The following LPAR3 variants were observed in gnomAD, a reference collection of about 807,000 sequenced individuals.
LPAR3 encodes the protein LPA receptor 3.
Under a neutral mutation model 17.8 loss-of-function variants are expected in LPAR3, and 7 were observed. The ratio of observed to expected loss-of-function variants is 0.39; its 90% CI spans 0.22 to 0.74. The LOEUF (loss-of-function observed/expected upper bound fraction) is 0.74, where lower values mean the gene tolerates loss of function less well. Ranked by LOEUF, LPAR3 falls within the 30% of genes least tolerant of loss-of-function variation. LPAR3 has a pLI of 0.40. For synonymous variants in LPAR3, 179 were observed against 179.9 expected (o/e 0.99, Z 0.04); for missense variants, 391 against 453.4 (o/e 0.86, Z 1.25).
chr1:84,857,842 T>C (rs2102761892), intron 2 of LPAR3, among the ~76,000 whole-genome samples: 1 of 152,318 alleles, frequency 6.6e-6, no homozygotes, highest in East Asian at 1.9e-4. Context: ...AGTTTCCTCA[T>C]CTGGTAATAA....
intron 1 of LPAR3, among the ~76,000 whole-genome samples, chr1:84,891,494 T>C (rs1046309087): frequency 9.9e-5 from 15 of 152,172 alleles, no homozygotes; most frequent in Non-Finnish European, 2.1e-4. Context: ...TAGACAAGCC[T>C]GGGGTTAACA....
chr1:84,858,575 T>A (rs756809168), intron 2 of LPAR3, among the ~76,000 whole-genome samples: 1 of 150,990 alleles, frequency 6.6e-6, no homozygotes, highest in African/African-American at 2.4e-5. Flanking sequence ...CCAGAGCCCA[T>A]CTAAGGCCAA....
At chr1:84,841,464 C>A (rs192461665) in intron 2 of LPAR3, among the ~76,000 whole-genome samples, 75 of 152,226 alleles carry the variant, frequency 4.9e-4, no homozygotes, top group African/African-American at 1.7e-3. Flanking sequence ...CTAGGAAATT[C>A]TCAGTGGTTC....
intron 2 of LPAR3, among the ~76,000 whole-genome samples, chr1:84,857,615 G>A (rs1367108555): frequency 6.6e-6 from 1 of 152,234 alleles, no homozygotes; most frequent in Admixed American, 6.5e-5. Context: ...CGAGCTAAAT[G>A]TTGAAAGAGC....
chr1:84,817,292 C>CACACACACACACA (rs1553146257), intron 2 of LPAR3, among the ~76,000 whole-genome samples: 1 of 148,438 alleles, frequency 6.7e-6, no homozygotes, highest in African/African-American at 2.5e-5. Context: ...CACACACACA[C>CACACACACACACA]CCCTCACTTT....
intron 2 of LPAR3, among the ~76,000 whole-genome samples, chr1:84,837,594 C>T (rs926164875): frequency 3.3e-5 from 5 of 152,098 alleles, no homozygotes; most frequent in African/African-American, 1.2e-4. Context: ...AGTGCATTAG[C>T]GAAGTCTTTA....
intron 1 of LPAR3, among the ~76,000 whole-genome samples, chr1:84,872,612 T>C (rs1172439984): frequency 6.6e-6 from 1 of 152,044 alleles, no homozygotes; most frequent in Non-Finnish European, 1.5e-5. Context: ...AAATAAATTA[T>C]TGAAAAAAAT....
intron 2 of LPAR3, among the ~76,000 whole-genome samples, chr1:84,832,076 C>T (rs371174281): frequency 3.9e-5 from 6 of 152,098 alleles, no homozygotes; most frequent in Non-Finnish European, 8.8e-5. Flanking sequence ...AAAATTTGAC[C>T]GAACTGAGTT....
intron 2 of LPAR3, among the ~76,000 whole-genome samples, chr1:84,835,397 C>G (rs1362199033): frequency 1.3e-5 from 2 of 152,188 alleles, no homozygotes; most frequent in East Asian, 3.9e-4. Context: ...CTTGAACATG[C>G]ACTGTTATCA....
rs774251260 is a variant in LPAR3, at chr1:84,843,585, G to A, written c.736+21800C>T. Among the ~76,000 whole-genome samples, 13 of 152,342 alleles carry A rather than the reference G, an allele frequency of 8.5e-5. No homozygotes were observed. In the South Asian group the frequency reaches 1.9e-3, roughly 22 times the overall value. ...GTCTTGAGCTAGGGAGAGGGGTTGC[G>A]TGAAACGCCACACCTGCTGGGTGTT... On this transcript the variant is annotated intron_variant, in intron 2 of 2. Coordinates refer to ENST00000370611, the MANE Select transcript of LPAR3 (RefSeq NM_012152.3).
At chr1:84,837,360 A>C (rs1313499480) in intron 2 of LPAR3, among the ~76,000 whole-genome samples, 2 of 152,202 alleles carry the variant, frequency 1.3e-5, no homozygotes, top group African/African-American at 4.8e-5. Flanking sequence ...TAAATATCAC[A>C]CTTTAACTAT....
chr1:84,829,941 C>G (rs1659249637), intron 2 of LPAR3, among the ~76,000 whole-genome samples: 1 of 151,998 alleles, frequency 6.6e-6, no homozygotes, highest in Non-Finnish European at 1.5e-5. Context: ...CCATAAAAAC[C>G]CGAAGAGAGA....
At chr1:84,824,357 A>G (rs1659108806) in intron 2 of LPAR3, among the ~76,000 whole-genome samples, 1 of 152,182 alleles carries the variant, frequency 6.6e-6, no homozygotes, top group Non-Finnish European at 1.5e-5. Flanking sequence ...TCCTCCACTC[A>G]TGATTAAGAA....
At chr1:84,885,685 G>A (rs1003890918) in intron 1 of LPAR3, among the ~76,000 whole-genome samples, 10 of 152,202 alleles carry the variant, frequency 6.6e-5, no homozygotes, top group Non-Finnish European at 1.5e-4. Flanking sequence ...ACTGGAGACT[G>A]ATGATTAAGC....
chr1:84,871,091 CA>C (rs1441644929), intron 1 of LPAR3, among the ~76,000 whole-genome samples: 1 of 152,064 alleles, frequency 6.6e-6, no homozygotes, highest in East Asian at 1.9e-4. Context: ...TAACATTGCT[CA>C]ACTTTACTTC....
intron 2 of LPAR3, among the ~76,000 whole-genome samples, chr1:84,836,796 A>G (rs1659413845): frequency 6.6e-6 from 1 of 152,204 alleles, no homozygotes; most frequent in Non-Finnish European, 1.5e-5. Context: ...AATATTAGCA[A>G]ATAATATAAT....
At chr1:84,829,724 T>A (rs1340302589) in intron 2 of LPAR3, among the ~76,000 whole-genome samples, 1 of 151,992 alleles carries the variant, frequency 6.6e-6, no homozygotes, top group Non-Finnish European at 1.5e-5. Flanking sequence ...AAAGAAACAC[T>A]CTTTGGAAAT....
At chr1:84,845,264 G>A (rs1235977758) in intron 2 of LPAR3, among the ~76,000 whole-genome samples, 2 of 152,160 alleles carry the variant, frequency 1.3e-5, no homozygotes, top group Non-Finnish European at 2.9e-5. Context: ...TATATACATT[G>A]TTTAAGCTTC....
At chr1:84,876,946 TAGTA>T (rs1264898866) in intron 1 of LPAR3, among the ~76,000 whole-genome samples, 13 of 152,200 alleles carry the variant, frequency 8.5e-5, no homozygotes, top group Admixed American at 8.5e-4. Flanking sequence ...TCTCTGCAGA[TAGTA>T]AGTGATTCAA....
Sources: gnomAD v4.1 joint callset for allele counts (sites outside exome capture counted in the v4.1 genomes callset) on GRCh38, gnomAD v4.1.1 for gene constraint, MANE v1.5 for transcripts, NCBI Gene and HGNC (gene_info 2026-07-23, HGNC 2026-07-21) for gene names.